Variants in NUP210 observed in about 807,000 individuals in gnomAD.
NUP210 encodes the protein nuclear pore membrane glycoprotein 210.
Under a neutral mutation model 196.0 loss-of-function variants are expected in NUP210, and 151 were observed. That is an observed-to-expected ratio of 0.77 (90% CI 0.67 to 0.88). The LOEUF (loss-of-function observed/expected upper bound fraction) is 0.88, where lower values mean the gene tolerates loss of function less well. NUP210 is among the 40% of genes least tolerant of loss of function. NUP210 has a pLI of 0.00. For missense variants in NUP210, 2,314 were observed against 2,493.7 expected (o/e 0.93, Z 1.53); for synonymous variants, 1,070 against 1,052.7 (o/e 1.02, Z -0.32).
rs1697919134 is a variant in NUP210 at position 13,350,227 on chromosome 3, T to C, written c.2835+1652A>G. Among the ~76,000 whole-genome samples, 1 of 151,698 alleles carries C rather than the reference T, an allele frequency of 6.6e-6. No homozygotes were observed. The highest frequency in any genetic ancestry group is 2.4e-5 in the African/African-American group (1 of 41,200). On this transcript the variant is annotated intron_variant, in intron 20 of 39. Transcript: ENST00000254508. The surrounding 1 kb of genome is among the most constrained non-coding windows in gnomAD (Gnocchi z 4.1). ...AGCAAAATAACACAGCCTGTGTGTG[T>C]GTGTGTTCAGCAAAATAACACAGCC...
In NUP210 at chr3:13,337,862, A is replaced by C; in HGVS notation, c.3527T>G (p.Ile1176Ser). The change falls in exon 26 of 40, where the codon ATC becomes AGC. Residue 1176 changes from isoleucine to serine, a missense_variant. By Grantham distance (142) the Ile-to-Ser change is moderately radical. Transcript: ENST00000254508. Reference sequence around the variant, plus strand: ...CTGGGTGCCCGTCCTCATCCGCATGATGGGGGCGCGGATCCTCACGGCCCT... The same window carrying C: ...CTGGGTGCCCGTCCTCATCCGCATGCTGGGGGCGCGGATCCTCACGGCCCT... Reference protein sequence around the residue: ...LLRAVRIRAPIMRMRTGTQMP... With the variant: ...LLRAVRIRAPSMRMRTGTQMP... 6.2e-7 allele frequency: 1 copy of C among 1,612,404 alleles called. No homozygotes were observed. Among genetic ancestry groups the C allele is most frequent in the Non-Finnish European group, 8.5e-7 (1 of 1,179,784 alleles).
chr3:13,397,360 C>A lies in NUP210; in HGVS notation c.433G>T (p.Glu145Ter), dbSNP rs1380145119. 6.2e-7 allele frequency: 1 copy of A among 1,609,346 alleles called. No individual in the cohort carries two copies. Among genetic ancestry groups the A allele is most frequent in the South Asian group, 1.1e-5 (1 of 90,590 alleles). ...LELKIQALDS[E>*]GNTFSTLAGL... ...AACAGGCAGGGGACGTTCTCACCTTCGGAGTCCAGGGCCTGGATCTTCAGC... is the reference window on the plus strand; with the variant it reads ...AACAGGCAGGGGACGTTCTCACCTTAGGAGTCCAGGGCCTGGATCTTCAGC... The change falls in exon 3 of 40, where the codon GAA (glutamate) becomes TAA (stop). Residue 145 changes from glutamate to a stop codon, truncating the protein, a stop_gained. Coordinates refer to ENST00000254508, the MANE Select transcript of NUP210 (RefSeq NM_024923.4). LOFTEE classifies it high-confidence loss of function.
At chr3:13,414,671 G>T (rs548498796) in intron 1 of NUP210, among the ~76,000 whole-genome samples, 1 of 151,746 alleles carries the variant, frequency 6.6e-6, no homozygotes, top group Non-Finnish European at 1.5e-5. Context: ...TCTCTCCTCC[G>T]GCCCTTTGCA....
intron 12 of NUP210, among the ~76,000 whole-genome samples, 153 bp downstream of exon 12, chr3:13,373,565 G>A (rs1698800208): frequency 6.6e-6 from 1 of 152,184 alleles, no homozygotes. Flanking sequence ...TGACATGGCC[G>A]TGAGCTCCTA....
chr3:13,320,457 C>A (rs534014425), intron 36 of NUP210, among the ~76,000 whole-genome samples: 4 of 151,740 alleles, frequency 2.6e-5, no homozygotes, highest in Admixed American at 6.6e-5. Flanking sequence ...CACGGTGAGA[C>A]CCTGTCTCTA....
chr3:13,368,979 A>T (rs1698635433), intron 13 of NUP210, among the ~76,000 whole-genome samples: 1 of 152,096 alleles, frequency 6.6e-6, no homozygotes, highest in Non-Finnish European at 1.5e-5. Context: ...TCATACGGTA[A>T]CTCCATGTTT....
chr3:13,394,460 C>G lies in NUP210; in HGVS notation c.436+2897G>C, dbSNP rs571304769. On this transcript the variant is annotated intron_variant, in intron 3 of 39. Coordinates refer to ENST00000254508, the MANE Select transcript of NUP210 (RefSeq NM_024923.4). ...TTCTGGCCAAAAGGGCAGATCCCAG[C>G]CATGTGGGGAGGGCCCCCAATGCCC... is the stretch of plus-strand genomic sequence containing the variant. Among the ~76,000 whole-genome samples the G allele has an allele frequency of 5.3e-5, 8 of 152,360 alleles. No individual in the cohort carries two copies. The South Asian group carries it at 1.7e-3, about 32-fold the overall frequency.
chr3:13,342,186 G>A, intron 21 of NUP210, 63 bp from the exon 22 acceptor site: 1 of 1,588,930 alleles, frequency 6.3e-7, no homozygotes. Flanking sequence ...CATCTATGGT[G>A]CTCCGTGACT....
Position 13,327,402 on chromosome 3 carries a change from T to C in NUP210, c.4322A>G (p.Asn1441Ser), listed in dbSNP as rs779187790. Residue 1441 changes from asparagine (N) to serine (S), a missense_variant, in exon 32 of 40, where the codon AAC becomes AGC. Physicochemically the swap from Asn to Ser is conservative, Grantham distance 46 (BLOSUM62 1). Transcript: ENST00000254508. ...GACTGTGCGGACAACGCAGGTGTTG[T>C]TGGTGGGGCCCTTCCCGATCTGCAC... Reference protein sequence around the residue: ...DFVQIGKGPTNNTCVVRTVSV... With the variant: ...DFVQIGKGPTSNTCVVRTVSV... The C allele has an allele frequency of 2.5e-6, 4 of 1,612,914 alleles. No homozygotes were observed. Among genetic ancestry groups the C allele is most frequent in the African/African-American group, 2.7e-5 (2 of 74,862 alleles).
At position 13,340,309 on chromosome 3, in the gene NUP210, A is replaced by T; in HGVS notation, c.3229-11T>A. 6.2e-7 allele frequency: 1 copy of T among 1,612,940 alleles called. No homozygotes were observed. On this transcript the variant is annotated splice_polypyrimidine_tract_variant and intron_variant, in intron 23 of 39. Transcript: ENST00000254508. This position sits in a 1 kb window ranked among gnomAD's most constrained non-coding sequence, Gnocchi z 4.0. ...GAACGGGGGAAAGACCTGTTGAGAG[A>T]CACAGGAGAGAAAGGACTACTGTGC...
At chr3:13,382,996 T>A (rs1215359906) in intron 6 of NUP210, among the ~76,000 whole-genome samples, 2 of 151,528 alleles carry the variant, frequency 1.3e-5, no homozygotes, top group African/African-American at 4.9e-5. Flanking sequence ...AAAAAAAAAA[T>A]TAGCCAGGCA....
At position 13,332,294 on chromosome 3, in the gene NUP210, T is replaced by C; in HGVS notation, c.3934A>G (p.Arg1312Gly). ...PNSYIKLQTN[R>G]DGAASLSYRV... ...GGAAACAAGAGCTGAGTCACGTACCTGTTTGTCTGCAGCTTTATATATGAG... is the reference window on the plus strand; with the variant it reads ...GGAAACAAGAGCTGAGTCACGTACCCGTTTGTCTGCAGCTTTATATATGAG... The change falls in exon 29 of 40, where the codon AGG becomes GGG. Residue 1312 changes from arginine (R) to glycine (G), a missense_variant and splice_region_variant. Arg to Gly is a moderately radical substitution (Grantham distance 125, BLOSUM62 -2). Transcript: ENST00000254508. 4 of 1,612,450 alleles carry C rather than the reference T, an allele frequency of 2.5e-6. No homozygotes were observed. The highest frequency in any genetic ancestry group is 3.4e-6 in the Non-Finnish European group (4 of 1,178,500).
intron 38 of NUP210, 27 bp from the exon 39 acceptor site, chr3:13,319,182 C>T (rs1356754843): frequency 1.2e-6 from 2 of 1,610,924 alleles, no homozygotes; most frequent in Non-Finnish European, 1.7e-6. Flanking sequence ...TTGGTTAGAG[C>T]AGGTCGGGGC....
intron 36 of NUP210, among the ~76,000 whole-genome samples, chr3:13,321,170 AC>A (rs1696513522): frequency 6.6e-6 from 1 of 152,100 alleles, no homozygotes; most frequent in South Asian, 2.1e-4. Context: ...CACCAATCCC[AC>A]CCCGTGACTT....
At chr3:13,374,889 G>T (rs1698846902) in intron 11 of NUP210, among the ~76,000 whole-genome samples, 2 of 152,246 alleles carry the variant, frequency 1.3e-5, no homozygotes, top group African/African-American at 4.8e-5. Flanking sequence ...CAGGACTGAT[G>T]TGCCCTGCAC....
intron 39 of NUP210, among the ~76,000 whole-genome samples, chr3:13,318,723 G>A (rs1028150522): frequency 2.6e-5 from 4 of 152,174 alleles, no homozygotes; most frequent in Admixed American, 1.3e-4. Flanking sequence ...GAACTACCCA[G>A]AATCCCCATC....
chr3:13,377,475 T>C lies in NUP210; in HGVS notation c.1133A>G (p.Asn378Ser), dbSNP rs754832992. 30 of 1,613,222 alleles carry C rather than the reference T, an allele frequency of 1.9e-5. No individual in the cohort carries two copies. The Admixed American group carries it at 3.7e-4, about 20-fold the overall frequency. The change falls in exon 9 of 40, where the codon AAC becomes AGC. Residue 378 changes from asparagine to serine, a missense_variant. Physicochemically the swap from Asn to Ser is conservative, Grantham distance 46 (BLOSUM62 1). Coordinates refer to ENST00000254508, the MANE Select transcript of NUP210 (RefSeq NM_024923.4). ...ITIEVFDKFS[N>S]KVYVSDNIRI... Reference sequence around the variant, plus strand: ...ACTCACGTCAGATACATAGACCTTGTTGCTGAACTTGTCAAAAACTTCGAT... The same window carrying C: ...ACTCACGTCAGATACATAGACCTTGCTGCTGAACTTGTCAAAAACTTCGAT...
At chr3:13,412,843 C>T (rs528809973) in intron 1 of NUP210, among the ~76,000 whole-genome samples, 35 of 149,264 alleles carry the variant, frequency 2.3e-4, no homozygotes, top group African/African-American at 8.7e-4. Flanking sequence ...TGGTGGCGGG[C>T]ACCTGTAGTC....
At chr3:13,324,945 A>C (rs979344589) in intron 33 of NUP210, among the ~76,000 whole-genome samples, 1 of 152,218 alleles carries the variant, frequency 6.6e-6, no homozygotes, top group Non-Finnish European at 1.5e-5. Flanking sequence ...ACAGGCAAGA[A>C]AATCGGGACA....
Sources: allele counts gnomAD v4.1 joint callset (sites outside exome capture counted in the v4.1 genomes callset), GRCh38; gene constraint gnomAD v4.1.1; non-coding constraint Gnocchi (gnomAD v3.1); transcripts MANE v1.5; gene names NCBI Gene and HGNC (gene_info 2026-07-23, HGNC 2026-07-21).